SNTG1: variants seen among roughly 807,000 people sequenced by gnomAD.
The protein encoded by SNTG1 is syntrophin gamma 1.
A neutral mutation model predicts 74.7 loss-of-function variants in SNTG1; 39 were observed. The observed-to-expected ratio is 0.52, with a 90% CI of 0.40 to 0.68. SNTG1 has a LOEUF of 0.68. Among genes scored for constraint, SNTG1 ranks in the 30% least tolerant of loss-of-function variants. SNTG1 has a pLI of 0.00. For missense variants in SNTG1, 685 were observed against 609.5 expected, an observed-to-expected ratio of 1.12 and a Z score of -1.30; for synonymous variants, 254 against 217.1, an observed-to-expected ratio of 1.17 and a Z score of -1.49.
At chr8:50,217,856 G>T (rs940736764) in intron 2 of SNTG1, among the ~76,000 whole-genome samples, 2 of 151,652 alleles carry the variant, frequency 1.3e-5, no homozygotes, top group Non-Finnish European at 2.9e-5. Context: ...CTGTGGATGT[G>T]AGGATGAGGA....
chr8:50,296,368 G>A (rs1046423723), intron 2 of SNTG1, among the ~76,000 whole-genome samples: 11 of 152,114 alleles, frequency 7.2e-5, no homozygotes, highest in African/African-American at 2.7e-4. Context: ...CAACCCAAAT[G>A]CCCATTAATG....
At chr8:50,103,390 T>A (rs539509840) in intron 1 of SNTG1, among the ~76,000 whole-genome samples, 2 of 152,312 alleles carry the variant, frequency 1.3e-5, no homozygotes, top group East Asian at 3.9e-4. Flanking sequence ...AGAATGCTTG[T>A]GATTTTTGTA....
intron 1 of SNTG1, among the ~76,000 whole-genome samples, chr8:50,163,298 A>G (rs1254620301): frequency 5.9e-5 from 9 of 152,192 alleles, no homozygotes; most frequent in Admixed American, 2.6e-4. Flanking sequence ...CTTCTCAACC[A>G]TAACCTATAT....
chr8:50,647,427 TACAC>T (rs538508594), intron 13 of SNTG1, among the ~76,000 whole-genome samples: 23 of 151,058 alleles, frequency 1.5e-4, no homozygotes, highest in African/African-American at 4.1e-4. Flanking sequence ...ATGAAAAAAA[TACAC>T]ACACACACAT....
intron 1 of SNTG1, among the ~76,000 whole-genome samples, chr8:49,931,182 T>C (rs1227098457): frequency 1.3e-5 from 2 of 152,212 alleles, no homozygotes; most frequent in East Asian, 3.8e-4. Context: ...AGCTCTGATA[T>C]ACATGCAGAG....
intron 13 of SNTG1, among the ~76,000 whole-genome samples, chr8:50,654,930 G>A (rs2095170923): frequency 6.6e-6 from 1 of 152,150 alleles, no homozygotes; most frequent in African/African-American, 2.4e-5. Flanking sequence ...GGAAGATTCT[G>A]GACTTTAACA....
At chr8:50,337,584 C>T (rs1452607329) in intron 2 of SNTG1, among the ~76,000 whole-genome samples, 2 of 152,146 alleles carry the variant, frequency 1.3e-5, no homozygotes, top group Non-Finnish European at 2.9e-5. Flanking sequence ...TTAGAACCCA[C>T]CTAACATGGA....
Position 50,449,697 on chromosome 8 carries a change from C to A in SNTG1, c.249C>A (p.Val83=). ...KGGAEHNIPV[V]VSKISKEQRA... ...GAGCAGAACATAACATTCCAGTTGT[C>A]GTTTCAAAAATCTCCAAGGAACAAA... Residue 83 remains valine (V), a synonymous_variant, in exon 6 of 19, where the codon GTC becomes GTA. Coordinates refer to ENST00000642720, the MANE Select transcript of SNTG1 (RefSeq NM_018967.5). 6.3e-7 allele frequency: 1 copy of A among 1,596,702 alleles called. No homozygotes were observed. Among genetic ancestry groups the A allele is most frequent in the Non-Finnish European group, 8.5e-7 (1 of 1,170,020 alleles).
intron 15 of SNTG1, among the ~76,000 whole-genome samples, chr8:50,687,127 G>A (rs1190396437): frequency 1.4e-5 from 2 of 139,360 alleles, no homozygotes; most frequent in Non-Finnish European, 3.0e-5. Flanking sequence ...GGGCGACAGA[G>A]CGAGACTCCG....
intron 1 of SNTG1, among the ~76,000 whole-genome samples, chr8:50,092,044 G>A (rs2079759707): frequency 6.6e-6 from 1 of 152,046 alleles, no homozygotes; most frequent in South Asian, 2.1e-4. Flanking sequence ...GTATTCTAAG[G>A]AAAATATAAT....
intron 2 of SNTG1, among the ~76,000 whole-genome samples, chr8:50,355,759 A>G (rs1291526070): frequency 6.6e-6 from 1 of 152,214 alleles, no homozygotes; most frequent in Admixed American, 6.5e-5. Flanking sequence ...GTATAAGAGG[A>G]AAGAGGATTT....
At chr8:50,759,795 T>C (rs895739197) in intron 18 of SNTG1, among the ~76,000 whole-genome samples, 2 of 152,096 alleles carry the variant, frequency 1.3e-5, no homozygotes, top group Middle Eastern at 3.2e-3. Flanking sequence ...TCCAGCTTTG[T>C]TCTTTTTGCT....
intron 13 of SNTG1, among the ~76,000 whole-genome samples, chr8:50,615,168 G>A (rs1274381368): frequency 2.6e-5 from 4 of 152,034 alleles, no homozygotes; most frequent in Non-Finnish European, 5.9e-5. Flanking sequence ...CACCAGTTTA[G>A]CCAGGATGGT....
chr8:50,326,779 A>T (rs1220157089), intron 2 of SNTG1, among the ~76,000 whole-genome samples: 1 of 151,968 alleles, frequency 6.6e-6, no homozygotes, highest in African/African-American at 2.4e-5. Flanking sequence ...AGTGGATACT[A>T]ATATTATTGA....
intron 2 of SNTG1, among the ~76,000 whole-genome samples, chr8:50,328,296 T>C (rs374987975): frequency 6.6e-6 from 1 of 152,212 alleles, no homozygotes; most frequent in South Asian, 2.1e-4. Flanking sequence ...TTTTGCAAGA[T>C]TCAGAGTACT....
intron 16 of SNTG1, among the ~76,000 whole-genome samples, chr8:50,707,307 T>G (rs1299856621): frequency 1.3e-5 from 2 of 152,092 alleles, no homozygotes; most frequent in African/African-American, 4.8e-5. Flanking sequence ...AGGAGAAAAT[T>G]TTATGGCCTT....
intron 1 of SNTG1, among the ~76,000 whole-genome samples, chr8:50,068,204 A>G (rs1344270945): frequency 6.6e-6 from 1 of 152,100 alleles, no homozygotes; most frequent in Non-Finnish European, 1.5e-5. Context: ...ATGCAATCCT[A>G]ATTACAACCT....
At chr8:50,396,162 T>TTCTTG (rs1403610519) in intron 3 of SNTG1, among the ~76,000 whole-genome samples, 1 of 152,202 alleles carries the variant, frequency 6.6e-6, no homozygotes, top group Admixed American at 6.5e-5. Context: ...CTCTTGTAAA[T>TTCTTG]TAGTAATCCT....
intron 1 of SNTG1, among the ~76,000 whole-genome samples, chr8:50,050,351 C>T (rs1029417350): frequency 1.2e-4 from 18 of 151,796 alleles, no homozygotes; most frequent in Non-Finnish European, 2.5e-4. Flanking sequence ...ATAACCTAGA[C>T]AAAATGGACC....
Sources: gnomAD v4.1 joint callset for allele counts (sites outside exome capture counted in the v4.1 genomes callset) on GRCh38, gnomAD v4.1.1 for gene constraint, MANE v1.5 for transcripts, NCBI Gene and HGNC (gene_info 2026-07-23, HGNC 2026-07-21) for gene names.